The following CABP1 variants were observed in gnomAD, a reference collection of about 807,000 sequenced individuals.
The protein encoded by CABP1 is calcium-binding protein 1.
CABP1 carries 17 observed loss-of-function variants against 34.3 expected under a neutral mutation model. The observed-to-expected ratio is 0.50, with a 90% CI of 0.34 to 0.74. The LOEUF is 0.74. CABP1 is among the 30% of genes least tolerant of loss of function. The pLI, the probability that CABP1 is intolerant of heterozygous loss-of-function variation, is 0.01. For synonymous variants in CABP1, 198 were observed against 229.2 expected (o/e 0.86, Z 1.23); for missense variants, 373 against 511.1 (o/e 0.73, Z 2.61).
At chr12:120,668,151 A>C (rs1881110964), downstream of CABP1, among the ~76,000 whole-genome samples, 1 of 152,180 alleles carries the variant, frequency 6.6e-6, no homozygotes, top group African/African-American at 2.4e-5. Flanking sequence ...AGTGATGTCA[A>C]GGGTTTTGCT....
At chr12:120,653,450 G>A (rs887481510) in intron 1 of CABP1, among the ~76,000 whole-genome samples, 3 of 152,220 alleles carry the variant, frequency 2.0e-5, no homozygotes, top group African/African-American at 7.2e-5. Context: ...AAGTGGCAGA[G>A]CCAGAATTTG....
At chr12:120,656,851 C>T (rs537435217) in intron 1 of CABP1, among the ~76,000 whole-genome samples, 1 of 152,206 alleles carries the variant, frequency 6.6e-6, no homozygotes, top group South Asian at 2.1e-4. Context: ...GCCAAGGTCG[C>T]GCCATGGCAC....
chr12:120,659,696 C>A (rs113412415), intron 1 of CABP1, 182 bp from the exon 2 acceptor site: 28 of 545,424 alleles, frequency 5.1e-5, no homozygotes, highest in African/African-American at 3.9e-4. Flanking sequence ...CCAGGAGCTT[C>A]TATGTCTAAG....
intron 1 of CABP1, among the ~76,000 whole-genome samples, chr12:120,647,540 C>T (rs1593155576): frequency 1.4e-5 from 2 of 142,326 alleles, no homozygotes; most frequent in Non-Finnish European, 3.0e-5. Context: ...TCCAAGTCAG[C>T]GTGACTCCTC....
In CABP1 at chr12:120,660,741, T is replaced by C. The variant is rs763333780; in HGVS notation, c.840T>C (p.His280=). Residue 280 remains histidine (H), a synonymous_variant, in exon 4 of 6, where the codon CAT becomes CAC. Transcript: ENST00000316803. The surrounding 1 kb of genome is among the most constrained non-coding windows in gnomAD (Gnocchi z 5.0). ...TTCCTCCTTTTCCAGTGGGTGGCCA[T>C]GTAGATTTTGATGACTTCGTGGAGC... ...SQQINMNLGG[H]VDFDDFVELM... 1.2e-6 allele frequency: 2 copies of C among 1,611,280 alleles called. No individual in the cohort carries two copies. Among genetic ancestry groups the C allele is most frequent in the Non-Finnish European group, 8.5e-7 (1 of 1,177,544 alleles).
At chr12:120,674,908 CAAA>C in the CABP1 span, among the ~76,000 whole-genome samples, 1 of 131,916 alleles carries the variant, frequency 7.6e-6, no homozygotes, top group Admixed American at 7.6e-5. Flanking sequence ...CCACCTCCGC[CAAA>C]AAAAAAAAAC....
chr12:120,654,537 C>T (rs1015148974), intron 1 of CABP1, among the ~76,000 whole-genome samples: 2 of 152,174 alleles, frequency 1.3e-5, no homozygotes, highest in Non-Finnish European at 2.9e-5. Flanking sequence ...CAGACCTGCA[C>T]TTCTCAGACA....
At chr12:120,679,639 C>T in the CABP1 span, among the ~76,000 whole-genome samples, 1 of 151,904 alleles carries the variant, frequency 6.6e-6, no homozygotes, top group African/African-American at 2.4e-5. Context: ...ACCAGTAAGA[C>T]CAACATGGAG....
chr12:120,645,842 T>G (rs909355169), intron 1 of CABP1, among the ~76,000 whole-genome samples: 11 of 151,632 alleles, frequency 7.3e-5, no homozygotes, highest in African/African-American at 2.7e-4. Flanking sequence ...AAAAAAGAAA[T>G]GAGGAAGGCT....
At chr12:120,659,619 G>A in intron 1 of CABP1, 1 of 443,054 alleles carries the variant, frequency 2.3e-6, no homozygotes, top group East Asian at 3.8e-5. Flanking sequence ...CAAGGGGCTG[G>A]AGGCACAGAG....
chr12:120,664,786 A>G (rs1592895739), intron 5 of CABP1, among the ~76,000 whole-genome samples: 1 of 152,006 alleles, frequency 6.6e-6, no homozygotes. Flanking sequence ...TGAGACACAG[A>G]ATCGCTTGAA....
the CABP1 span, among the ~76,000 whole-genome samples, chr12:120,675,153 A>C: frequency 6.6e-6 from 1 of 151,720 alleles, no homozygotes; most frequent in African/African-American, 2.4e-5. Flanking sequence ...CCTGGGTTCA[A>C]GTGATTCTCC....
chr12:120,654,887 A>G (rs1165719502), intron 1 of CABP1, among the ~76,000 whole-genome samples: 1 of 152,204 alleles, frequency 6.6e-6, no homozygotes, highest in Non-Finnish European at 1.5e-5. Context: ...GAGCACAGCT[A>G]TATTAGGTAA....
the CABP1 span, among the ~76,000 whole-genome samples, chr12:120,672,522 C>T: frequency 4.7e-5 from 7 of 148,886 alleles, no homozygotes; most frequent in Admixed American, 4.1e-4. Context: ...ATCCCAGCTA[C>T]TTGGAAGGCT....
At chr12:120,677,687 G>A in the CABP1 span, among the ~76,000 whole-genome samples, 7 of 152,172 alleles carry the variant, frequency 4.6e-5, no homozygotes, top group Non-Finnish European at 8.8e-5. Context: ...AATTATAGGC[G>A]TGAGCCACAG....
chr12:120,640,797 C>CCCGCGCCGCG lies in CABP1; in HGVS notation c.117_126dup (p.Thr43AlafsTer59), dbSNP rs996170954. 4 of 1,111,706 alleles carry CCCGCGCCGCG rather than the reference C, an allele frequency of 3.6e-6. No homozygotes were observed. The highest frequency in any genetic ancestry group is 1.7e-5 in the African/African-American group (1 of 59,816). 68.9% of individuals were successfully genotyped at this position (1,111,706 alleles called of 1,614,324 possible). A position where few individuals can be genotyped will look rare whatever the true frequency, so the allele number is the denominator to read the frequency against. ...GCCCCGTTCTCTGCCCGCCGGGGGCCCCGCGCCGCGCCGCACCGCGCCGCC... is the reference window on the plus strand; with the variant it reads ...GCCCCGTTCTCTGCCCGCCGGGGGCCCCGCGCCGCGCCGCGCCGCGCCGCACCGCGCCGCC... On this transcript the variant is annotated frameshift_variant, in exon 1 of 6. Transcript: ENST00000316803. LOFTEE classifies it high-confidence loss of function. The surrounding 1 kb of genome is among the most constrained non-coding windows in gnomAD (Gnocchi z 6.2).
rs977878459 is a variant in CABP1 at position 120,659,968 on chromosome 12, G to A, written c.685+60G>A. 3.2e-6 allele frequency: 5 copies of A among 1,550,940 alleles called. No individual in the cohort carries two copies. In the African/African-American group the frequency reaches 5.5e-5, roughly 17 times the overall value. ...AGCCCTCTAGGAAGGTGTGGGAAGG[G>A]AGGTTGATGGGAAGAGAGGCCCCTG... On this transcript the variant is annotated intron_variant, in intron 2 of 5. Transcript: ENST00000316803.
downstream of CABP1, among the ~76,000 whole-genome samples, chr12:120,668,402 G>A (rs1227131403): frequency 2.0e-5 from 3 of 152,224 alleles, no homozygotes; most frequent in East Asian, 5.8e-4. Flanking sequence ...CTTGAACCCA[G>A]GAGGTGGAGG....
intron 5 of CABP1, among the ~76,000 whole-genome samples, chr12:120,665,306 G>T (rs923636836): frequency 6.6e-6 from 1 of 151,988 alleles, no homozygotes; most frequent in African/African-American, 2.4e-5. Flanking sequence ...CATGCCTGTA[G>T]TCCCAGCTAC....
Sources: allele counts gnomAD v4.1 joint callset (sites outside exome capture counted in the v4.1 genomes callset), GRCh38; gene constraint gnomAD v4.1.1; non-coding constraint Gnocchi (gnomAD v3.1); transcripts MANE v1.5; gene names NCBI Gene and HGNC (gene_info 2026-07-23, HGNC 2026-07-21).